PPARG: variants seen among roughly 807,000 people sequenced by gnomAD.
PPARG encodes the protein peroxisome proliferator activated receptor gamma.
In PPARG, 17 loss-of-function variants were observed where a neutral mutation model predicts 39.2. The observed-to-expected ratio is 0.43, with a 90% CI of 0.30 to 0.65. The LOEUF is 0.65. PPARG is among the 30% of genes least tolerant of loss of function. The pLI, the probability that PPARG is intolerant of heterozygous loss-of-function variation, is 0.13. For missense variants in PPARG, 406 were observed against 585.9 expected, an observed-to-expected ratio of 0.69 and a Z score of 3.17; for synonymous variants, 223 against 215.7, an observed-to-expected ratio of 1.03 and a Z score of -0.30.
At chr3:12,292,779 G>GGT (rs1235759773) in intron 1 of PPARG, among the ~76,000 whole-genome samples, 1 of 152,174 alleles carries the variant, frequency 6.6e-6, no homozygotes, top group Non-Finnish European at 1.5e-5. Context: ...AACAGCACAC[G>GGT]GGGTGATGGG....
intron 1 of PPARG, among the ~76,000 whole-genome samples, chr3:12,296,538 C>T (rs2046791117): frequency 6.6e-6 from 1 of 152,114 alleles, no homozygotes; most frequent in South Asian, 2.1e-4. Flanking sequence ...CTTACCCTTG[C>T]TTATGGTTAA....
chr3:12,338,795 A>C lies in PPARG; in HGVS notation c.-9+26342A>C, dbSNP rs532506122. ...CAGTTAACTCAGATGAATCATTTAC[A>C]TATTAAAAGTTTACCTTTGTTCTTC... On this transcript the variant is annotated intron_variant, in intron 2 of 7. Transcript: ENST00000651735. Among the ~76,000 whole-genome samples the C allele has an allele frequency of 2.0e-5, 3 of 152,282 alleles. No homozygotes were observed. In the South Asian group the frequency reaches 6.2e-4, roughly 32 times the overall value.
rs1433234679 is a variant in PPARG at position 12,420,310 on chromosome 3, G to C, written c.1180+3156G>C. On this transcript the variant is annotated intron_variant, in intron 7 of 7. Coordinates refer to ENST00000651735, the MANE Select transcript of PPARG (RefSeq NM_138711.6). ...CCACCTCCCCGATTGTGCTTCCTTAGAGTAAGACAAAATTTCTCAATTAGT... is the reference window on the plus strand; with the variant it reads ...CCACCTCCCCGATTGTGCTTCCTTACAGTAAGACAAAATTTCTCAATTAGT... Among the ~76,000 whole-genome samples the C allele has an allele frequency of 2.6e-5, 4 of 152,288 alleles. No homozygotes were observed. In the East Asian group the frequency reaches 7.7e-4, roughly 29 times the overall value.
At chr3:12,413,033 C>G (rs1365851404) in intron 6 of PPARG, among the ~76,000 whole-genome samples, 2 of 152,116 alleles carry the variant, frequency 1.3e-5, no homozygotes, top group Non-Finnish European at 2.9e-5. Context: ...TGTAAGGACT[C>G]CACTTTGCTT....
intron 1 of PPARG, among the ~76,000 whole-genome samples, chr3:12,306,789 C>G (rs957376475): frequency 6.6e-6 from 1 of 152,180 alleles, no homozygotes; most frequent in African/African-American, 2.4e-5. Flanking sequence ...TTAGTAACTT[C>G]ATCATCACTT....
chr3:12,399,099 C>A (rs983336563), intron 5 of PPARG, among the ~76,000 whole-genome samples: 1 of 152,164 alleles, frequency 6.6e-6, no homozygotes, highest in African/African-American at 2.4e-5. Flanking sequence ...ATCCTTTCCC[C>A]CAGCCCCATC....
intron 2 of PPARG, among the ~76,000 whole-genome samples, chr3:12,324,812 C>T (rs1322481520): frequency 6.6e-6 from 1 of 152,098 alleles, no homozygotes; most frequent in Non-Finnish European, 1.5e-5. Flanking sequence ...CCTTTTTCCT[C>T]TTATTAAAAA....
intron 7 of PPARG, among the ~76,000 whole-genome samples, chr3:12,422,540 T>C (rs541537001): frequency 6.2e-4 from 94 of 152,222 alleles, no homozygotes; most frequent in African/African-American, 2.1e-3. Flanking sequence ...TCTTTGGCGG[T>C]TATCAAAAAC....
chr3:12,394,314 A>G (rs1206788975), intron 5 of PPARG, among the ~76,000 whole-genome samples: 1 of 152,222 alleles, frequency 6.6e-6, no homozygotes, highest in Non-Finnish European at 1.5e-5. Context: ...ACTTACAGGC[A>G]GTGCATACAT....
At chr3:12,308,653 G>A (rs1487704237) in intron 1 of PPARG, among the ~76,000 whole-genome samples, 3 of 152,248 alleles carry the variant, frequency 2.0e-5, no homozygotes, top group Non-Finnish European at 4.4e-5. Context: ...TATCTGAGTA[G>A]TGGAAATACA....
intron 1 of PPARG, chr3:12,297,918 A>G (rs899328815): frequency 2.0e-5 from 3 of 152,130 alleles, no homozygotes; most frequent in African/African-American, 7.2e-5. Flanking sequence ...TATAAATAGC[A>G]GCTGATGCAG....
chr3:12,348,336 AC>A (rs1169248419), intron 2 of PPARG, among the ~76,000 whole-genome samples: 1 of 152,236 alleles, frequency 6.6e-6, no homozygotes, highest in Non-Finnish European at 1.5e-5. Flanking sequence ...TCCTAAAAGT[AC>A]CAAAGTGTGA....
chr3:12,287,998 G>A (rs1299030342), upstream of PPARG: 5 of 151,288 alleles, frequency 3.3e-5, no homozygotes, highest in Non-Finnish European at 7.4e-5. Flanking sequence ...CCGGAGAGGG[G>A]CGCCACGCCG....
chr3:12,307,614 G>A (rs182749133), intron 1 of PPARG, among the ~76,000 whole-genome samples: 182 of 152,294 alleles, frequency 1.2e-3, no homozygotes, highest in Non-Finnish European at 1.8e-3. Context: ...TTCCTGGGCT[G>A]GGAATAAAGA....
At chr3:12,376,989 A>C (rs1372534800) in intron 2 of PPARG, among the ~76,000 whole-genome samples, 1 of 152,154 alleles carries the variant, frequency 6.6e-6, no homozygotes, top group Non-Finnish European at 1.5e-5. Flanking sequence ...CAGAGTTAAC[A>C]TTTAAAATAC....
chr3:12,301,893 T>G (rs2046936391), intron 1 of PPARG: 1 of 152,242 alleles, frequency 6.6e-6, no homozygotes, highest in Non-Finnish European at 1.5e-5. Flanking sequence ...TCAGTTTTCT[T>G]GATTTATTAT....
chr3:12,429,621 T>C (rs1559538740), intron 7 of PPARG, among the ~76,000 whole-genome samples: 1 of 147,668 alleles, frequency 6.8e-6, no homozygotes, highest in Non-Finnish European at 1.5e-5. Context: ...CGGGAGCCAG[T>C]GTCTAGTAAG....
chr3:12,312,917 A>G (rs1006731503), intron 2 of PPARG, among the ~76,000 whole-genome samples: 2 of 152,174 alleles, frequency 1.3e-5, no homozygotes, highest in African/African-American at 4.8e-5. Flanking sequence ...AAGAATTGCT[A>G]AGTTATACCC....
At chr3:12,417,902 C>CTTTTTTTTTTTTTTTTTTTTTT (rs869086237) in intron 7 of PPARG, among the ~76,000 whole-genome samples, 8 of 65,898 alleles carry the variant, frequency 1.2e-4, no homozygotes, top group East Asian at 5.2e-4. Context: ...TTTTTTTTTC[C>CTTTTTTTTTTTTTTTTTTTTTT]TTTTTTTTTT....
Sources: allele counts gnomAD v4.1 joint callset (sites outside exome capture counted in the v4.1 genomes callset), GRCh38; gene constraint gnomAD v4.1.1; transcripts MANE v1.5; gene names NCBI Gene and HGNC (gene_info 2026-07-23, HGNC 2026-07-21).